CHCHD6: variants seen among roughly 807,000 people sequenced by gnomAD.
CHCHD6 encodes the protein MICOS complex subunit MIC25.
In CHCHD6, 28 loss-of-function variants were observed where a neutral mutation model predicts 32.3. That is an observed-to-expected ratio of 0.87 (90% CI 0.64 to 1.19). The LOEUF (loss-of-function observed/expected upper bound fraction) is 1.19. Among genes scored for constraint, CHCHD6 ranks in the 50% most tolerant of loss-of-function variants. CHCHD6 has a pLI of 0.00. For missense variants in CHCHD6, 333 were observed against 307.0 expected, an observed-to-expected ratio of 1.08 and a Z score of -0.63; for synonymous variants, 122 against 117.5, an observed-to-expected ratio of 1.04 and a Z score of -0.25.
intron 5 of CHCHD6, among the ~76,000 whole-genome samples, chr3:126,901,245 G>A (rs995545904): frequency 3.3e-5 from 5 of 152,148 alleles, no homozygotes; most frequent in African/African-American, 4.8e-5. Flanking sequence ...CTACATGGTC[G>A]GCTTCACCCA....
intron 4 of CHCHD6, among the ~76,000 whole-genome samples, chr3:126,749,572 G>A (rs1207545148): frequency 2.6e-5 from 4 of 152,168 alleles, no homozygotes; most frequent in Non-Finnish European, 5.9e-5. Context: ...AGATACAGTA[G>A]CATAAATAAG....
chr3:126,905,289 A>C (rs1420713288), intron 5 of CHCHD6, among the ~76,000 whole-genome samples: 1 of 152,244 alleles, frequency 6.6e-6, no homozygotes, highest in African/African-American at 2.4e-5. Flanking sequence ...TTGGTACAGC[A>C]CACTGGGAAG....
At chr3:126,719,365 C>G (rs1459282582) in intron 1 of CHCHD6, among the ~76,000 whole-genome samples, 1 of 152,234 alleles carries the variant, frequency 6.6e-6, no homozygotes, top group Non-Finnish European at 1.5e-5. Flanking sequence ...GCAGGCTTCC[C>G]TAGTGCATGC....
intron 5 of CHCHD6, among the ~76,000 whole-genome samples, chr3:126,865,101 A>ACCACCACCACCTCCTTTT (rs1942229748): frequency 2.0e-5 from 2 of 99,216 alleles, no homozygotes; most frequent in Non-Finnish European, 3.6e-5. Flanking sequence ...CTCCTCCTCC[A>ACCACCACCACCTCCTTTT]CCACCACCTC....
At chr3:126,814,602 T>A (rs1364667698) in intron 4 of CHCHD6, among the ~76,000 whole-genome samples, 1 of 152,222 alleles carries the variant, frequency 6.6e-6, no homozygotes, top group Non-Finnish European at 1.5e-5. Flanking sequence ...TTGGAGAGCT[T>A]CCAGATAACC....
chr3:126,726,846 G>T (rs901669987), intron 1 of CHCHD6, among the ~76,000 whole-genome samples: 1 of 152,120 alleles, frequency 6.6e-6, no homozygotes, highest in Non-Finnish European at 1.5e-5. Flanking sequence ...GGGTAAAGCC[G>T]CAAAGCCAGC....
At chr3:126,767,445 T>G in intron 4 of CHCHD6, 1 of 686,544 alleles carries the variant, frequency 1.5e-6, no homozygotes, top group East Asian at 2.8e-5. Flanking sequence ...AGCTGCCCTT[T>G]CTCATTCCTA....
At chr3:126,956,104 G>A (rs1258462113) in intron 6 of CHCHD6, among the ~76,000 whole-genome samples, 1 of 152,162 alleles carries the variant, frequency 6.6e-6, no homozygotes, top group Non-Finnish European at 1.5e-5. Flanking sequence ...AGATGATAAC[G>A]GCTCTGGAGA....
At chr3:126,750,574 C>G (rs1173580676) in intron 4 of CHCHD6, among the ~76,000 whole-genome samples, 1 of 152,232 alleles carries the variant, frequency 6.6e-6, no homozygotes, top group African/African-American at 2.4e-5. Flanking sequence ...GCCTTTGGTG[C>G]TAGAGGGTCT....
At chr3:126,705,702 A>G (rs1001965774) in intron 1 of CHCHD6, among the ~76,000 whole-genome samples, 1 of 151,956 alleles carries the variant, frequency 6.6e-6, no homozygotes, top group African/African-American at 2.4e-5. Flanking sequence ...GTGTAGATGA[A>G]TTAGTTAATT....
chr3:126,856,930 G>A (rs1941684652), intron 5 of CHCHD6, among the ~76,000 whole-genome samples: 1 of 152,192 alleles, frequency 6.6e-6, no homozygotes, highest in Non-Finnish European at 1.5e-5. Context: ...TCTTTGAAAT[G>A]GGGATTTAGG....
At chr3:126,852,796 A>T (rs777408848) in intron 5 of CHCHD6, 66 bp downstream of exon 5, 112 of 1,102,642 alleles carry the variant, frequency 1.0e-4, no homozygotes, top group Non-Finnish European at 1.5e-4. Context: ...AGAACACATC[A>T]CTGTCATGGG....
intron 4 of CHCHD6, among the ~76,000 whole-genome samples, chr3:126,740,419 A>G (rs1936244011): frequency 6.6e-6 from 1 of 152,202 alleles, no homozygotes; most frequent in Admixed American, 6.5e-5. Context: ...TAAGAAAATA[A>G]TTAAGAAAAT....
chr3:126,755,069 G>A (rs1016196426), intron 4 of CHCHD6, among the ~76,000 whole-genome samples: 1 of 152,310 alleles, frequency 6.6e-6, no homozygotes, highest in Non-Finnish European at 1.5e-5. Flanking sequence ...AAAAGAGGAG[G>A]CCAGCTGTGT....
intron 4 of CHCHD6, among the ~76,000 whole-genome samples, chr3:126,753,837 G>A (rs1021430228): frequency 6.6e-6 from 1 of 152,208 alleles, no homozygotes; most frequent in African/African-American, 2.4e-5. Context: ...GAGCCTTGCT[G>A]GAAGTAGTAC....
chr3:126,761,020 A>G (rs1047174499), intron 4 of CHCHD6, among the ~76,000 whole-genome samples: 6 of 152,220 alleles, frequency 3.9e-5, no homozygotes, highest in Admixed American at 1.3e-4. Flanking sequence ...ATTTGTAGAG[A>G]GAGGATCTTG....
intron 6 of CHCHD6, among the ~76,000 whole-genome samples, chr3:126,938,887 G>A (rs1167605103): frequency 2.0e-5 from 3 of 152,242 alleles, no homozygotes; most frequent in African/African-American, 7.2e-5. Context: ...CTCCCTGCAT[G>A]TTGGGCTTGT....
chr3:126,732,078 C>CAAAAAAAAAAAAAAAAAAAAA (rs57722271), intron 3 of CHCHD6, among the ~76,000 whole-genome samples: 1 of 75,870 alleles, frequency 1.3e-5, no homozygotes, highest in Non-Finnish European at 2.7e-5. Context: ...GACCCAAAAC[C>CAAAAAAAAAAAAAAAAAAAAA]AAAAAAAAAA....
At chr3:126,747,752 C>A (rs577782872) in intron 4 of CHCHD6, among the ~76,000 whole-genome samples, 1 of 152,202 alleles carries the variant, frequency 6.6e-6, no homozygotes, top group East Asian at 1.9e-4. Context: ...TATCCAGCAC[C>A]CTCCTTCCCT....
Sources: gnomAD v4.1 joint callset for allele counts (sites outside exome capture counted in the v4.1 genomes callset) on GRCh38, gnomAD v4.1.1 for gene constraint, MANE v1.5 for transcripts, NCBI Gene and HGNC (gene_info 2026-07-23, HGNC 2026-07-21) for gene names.